ADARB1: variants seen among roughly 807,000 people sequenced by gnomAD.
The protein encoded by ADARB1 is double-stranded RNA-specific editase 1.
A neutral mutation model predicts 52.4 loss-of-function variants in ADARB1; 10 were observed. That is an observed-to-expected ratio of 0.19 (90% CI 0.12 to 0.32). The LOEUF (loss-of-function observed/expected upper bound fraction) is 0.32. ADARB1 is among the 10% of genes least tolerant of loss of function. The pLI, the probability that ADARB1 is intolerant of heterozygous loss-of-function variation, is 1.00. For missense variants in ADARB1, 643 were observed against 922.3 expected, an observed-to-expected ratio of 0.70 and a Z score of 3.92; for synonymous variants, 349 against 371.1, an observed-to-expected ratio of 0.94 and a Z score of 0.68.
intron 2 of ADARB1, among the ~76,000 whole-genome samples, chr21:45,169,403 C>A (rs1324117625): frequency 2.6e-5 from 4 of 152,136 alleles, no homozygotes; most frequent in Non-Finnish European, 5.9e-5. Flanking sequence ...GGTCCTTTGG[C>A]CAGAGAGAGC....
At chr21:45,178,413 C>G (rs1158278218) in intron 4 of ADARB1, among the ~76,000 whole-genome samples, 1 of 152,230 alleles carries the variant, frequency 6.6e-6, no homozygotes, top group Non-Finnish European at 1.5e-5. Flanking sequence ...GCCTCATGTC[C>G]AGAACCACTA....
At chr21:45,169,162 A>G (rs1157608113) in intron 2 of ADARB1, among the ~76,000 whole-genome samples, 1 of 152,148 alleles carries the variant, frequency 6.6e-6, no homozygotes, top group Non-Finnish European at 1.5e-5. Flanking sequence ...ATAGTCTCTC[A>G]TGACTCTGCA....
chr21:45,168,766 A>G lies in ADARB1; in HGVS notation c.-47-2844A>G, dbSNP rs548764331. Among the ~76,000 whole-genome samples, 113 of 152,182 alleles carry G rather than the reference A, an allele frequency of 7.4e-4. 2 individuals are homozygous for G. The South Asian group carries it at 0.023, about 31-fold the overall frequency. On this transcript the variant is annotated intron_variant, in intron 2 of 10. Coordinates refer to ENST00000348831, the MANE Select transcript of ADARB1 (RefSeq NM_001112.4). Reference sequence around the variant, plus strand: ...TTTATTTTTTTTTTATGGTGGTTACATTAAAGTCTTTCTAAGAGAATTCTA... The same window carrying G: ...TTTATTTTTTTTTTATGGTGGTTACGTTAAAGTCTTTCTAAGAGAATTCTA...
intron 2 of ADARB1, among the ~76,000 whole-genome samples, chr21:45,161,210 G>A (rs1453297872): frequency 6.6e-6 from 1 of 152,220 alleles, no homozygotes; most frequent in Non-Finnish European, 1.5e-5. Flanking sequence ...CCGGGAACAG[G>A]TGGAAGCCCC....
At chr21:45,181,572 C>T (rs1002140794) in intron 5 of ADARB1, 6 of 152,666 alleles carry the variant, frequency 3.9e-5, no homozygotes, top group African/African-American at 1.4e-4. Context: ...CATGTTCTTT[C>T]ATCGTTTTGT....
intron 1 of ADARB1, among the ~76,000 whole-genome samples, chr21:45,099,394 G>A (rs1260168507): frequency 1.3e-5 from 2 of 152,132 alleles, no homozygotes; most frequent in Non-Finnish European, 2.9e-5. Context: ...GGCGCGGTGG[G>A]TGGCTCACGC....
chr21:45,121,205 C>A (rs1257547470), intron 1 of ADARB1, among the ~76,000 whole-genome samples: 3 of 152,186 alleles, frequency 2.0e-5, no homozygotes, highest in South Asian at 4.1e-4. Context: ...CTTTATTCAG[C>A]CAGTGCTTTC....
At chr21:45,211,189 C>T (rs2092761935) in intron 9 of ADARB1, among the ~76,000 whole-genome samples, 1 of 152,188 alleles carries the variant, frequency 6.6e-6, no homozygotes, top group Non-Finnish European at 1.5e-5. Context: ...ATTCTAATGG[C>T]TTGTGTTTAT....
intron 1 of ADARB1, among the ~76,000 whole-genome samples, chr21:45,120,284 C>G (rs774106507): frequency 1.4e-4 from 22 of 152,190 alleles, no homozygotes; most frequent in Non-Finnish European, 2.5e-4. Flanking sequence ...TGTTGGCACA[C>G]TTGTGGGGTA....
At chr21:45,131,825 G>A (rs115717283) in intron 2 of ADARB1, among the ~76,000 whole-genome samples, 154 of 152,358 alleles carry the variant, frequency 1.0e-3, no homozygotes, top group African/African-American at 3.4e-3. Flanking sequence ...CTTACACAGC[G>A]TGGAGGTGCC....
chr21:45,124,791 G>GTGTGTGTA lies in ADARB1; in HGVS notation c.-219-3604_-219-3603insATGTGTGT, dbSNP rs1569035604. ...GGTGTGTGTGTGTGTGTGTGTATGT[G>GTGTGTGTA]TGTGTGTGTGTGTGTGTGTGTGTGT... is the stretch of plus-strand genomic sequence containing the variant. On this transcript the variant is annotated intron_variant, in intron 1 of 10. Coordinates refer to ENST00000348831, the MANE Select transcript of ADARB1 (RefSeq NM_001112.4). Among the ~76,000 whole-genome samples, 141 of 144,582 alleles carry GTGTGTGTA rather than the reference G, an allele frequency of 9.8e-4. 2 individuals carry two copies. Among genetic ancestry groups the GTGTGTGTA allele is most frequent in the Non-Finnish European group, 1.6e-5 (1 of 63,828 alleles). 94.9% of individuals were successfully genotyped at this position (144,582 alleles called of 152,430 possible). A position where few individuals can be genotyped will look rare whatever the true frequency, so the allele number is the denominator to read the frequency against.
chr21:45,184,448 ATTTTT>A (rs35076710), intron 7 of ADARB1: 73 of 141,894 alleles, frequency 5.1e-4, no homozygotes, highest in South Asian at 2.3e-3. Flanking sequence ...ATTTCATATA[ATTTTT>A]TTTTTTTTTT....
rs114708580 is a variant in ADARB1, at chr21:45,196,199, G to T, written c.1566-8356G>T. Among the ~76,000 whole-genome samples, 1,294 of 151,886 alleles carry T rather than the reference G, an allele frequency of 8.5e-3. 15 individuals carry two copies. Among genetic ancestry groups the T allele is most frequent in the African/African-American group, 0.03 (1,229 of 41,428 alleles). ...TTTCCAATTCTGCTGTTCATTGCTG[G>T]TCACAGTTAATTTTTGACCAAGGCA... On this transcript the variant is annotated intron_variant, in intron 8 of 10. Coordinates refer to ENST00000348831, the MANE Select transcript of ADARB1 (RefSeq NM_001112.4).
At chr21:45,134,428 G>A (rs1255368498) in intron 2 of ADARB1, among the ~76,000 whole-genome samples, 2 of 150,940 alleles carry the variant, frequency 1.3e-5, no homozygotes, top group African/African-American at 2.4e-5. Context: ...TGCGCCCGAC[G>A]GGTGTGTGCG....
chr21:45,180,040 G>C (rs751100594), intron 4 of ADARB1, among the ~76,000 whole-genome samples: 7 of 152,366 alleles, frequency 4.6e-5, no homozygotes, highest in Non-Finnish European at 8.8e-5. Context: ...GGGCTGGCCT[G>C]CGGTGAGGAT....
At chr21:45,124,655 T>G (rs1340352403) in intron 1 of ADARB1, among the ~76,000 whole-genome samples, 2 of 151,266 alleles carry the variant, frequency 1.3e-5, no homozygotes, top group Non-Finnish European at 3.0e-5. Context: ...TGGGATTCCA[T>G]GCATGAGCTA....
chr21:45,113,444 T>A (rs566282409), intron 1 of ADARB1, among the ~76,000 whole-genome samples: 2 of 150,270 alleles, frequency 1.3e-5, no homozygotes, highest in South Asian at 4.2e-4. Context: ...AAAACAAAAC[T>A]ATATATATAT....
At chr21:45,162,459 GAGCGCAGCCTGCC>G (rs1216384074) in intron 2 of ADARB1, among the ~76,000 whole-genome samples, 1 of 152,136 alleles carries the variant, frequency 6.6e-6, no homozygotes, top group Non-Finnish European at 1.5e-5. Flanking sequence ...AGTGTGAGCC[GAGCGCAGCCTGCC>G]AGGCTGTGTG....
Position 45,175,837 on chromosome 21 carries a change from G to T in ADARB1, c.136G>T (p.Gly46Cys). Reference protein sequence around the residue: ...GEGSQLSNGGGGGPGRKRPLE... With the variant: ...GEGSQLSNGGCGGPGRKRPLE... ...GGGCTCTCAGCTCTCCAATGGGGGT[G>T]GTGGTGGCCCCGGCAGAAAGCGGCC... Residue 46 changes from glycine (G) to cysteine (C), a missense_variant, in exon 4 of 11, where the codon GGT becomes TGT. Around this residue, in one of 2 missense-constraint regions of ADARB1, gnomAD observed 380 missense variants for 446.5 expected, o/e 0.85. Coordinates refer to ENST00000348831, the MANE Select transcript of ADARB1 (RefSeq NM_001112.4). 3 of 1,614,118 alleles carry T rather than the reference G, an allele frequency of 1.9e-6. No homozygotes were observed. Among genetic ancestry groups the T allele is most frequent in the Non-Finnish European group, 2.5e-6 (3 of 1,180,010 alleles).
Sources: allele counts gnomAD v4.1 joint callset (sites outside exome capture counted in the v4.1 genomes callset), GRCh38; gene constraint gnomAD v4.1.1; regional missense constraint gnomAD v4.1.1; transcripts MANE v1.5; gene names NCBI Gene and HGNC (gene_info 2026-07-23, HGNC 2026-07-21).